The following ACER3 variants were observed in gnomAD, a reference collection of about 807,000 sequenced individuals.
ACER3 encodes alkaline ceramidase 3, also known as alkCDase 3.
ACER3 carries 16 observed loss-of-function variants against 48.9 expected under a neutral mutation model. That is an observed-to-expected ratio of 0.33 (90% CI 0.22 to 0.50). ACER3 has a LOEUF of 0.50. ACER3 is among the 20% of genes least tolerant of loss of function. The probability of loss-of-function intolerance (pLI) is 0.98; values close to 1 mark genes in which losing one functional copy is unlikely to be tolerated. For missense variants in ACER3, 227 were observed against 326.0 expected, an observed-to-expected ratio of 0.70 and a Z score of 2.34; for synonymous variants, 109 against 107.8, an observed-to-expected ratio of 1.01 and a Z score of -0.07.
chr11:77,014,934 G>C (rs1949339717), intron 7 of ACER3, 82 bp from the exon 8 acceptor site: 2 of 839,622 alleles, frequency 2.4e-6, no homozygotes, highest in African/African-American at 3.4e-5. Context: ...TTATAAAAAA[G>C]GAAGAAAGTG....
chr11:76,933,174 A>ATATATATATATG (rs1491216771), intron 2 of ACER3, among the ~76,000 whole-genome samples: 3 of 18,290 alleles, frequency 1.6e-4, no homozygotes, highest in African/African-American at 3.6e-4. Context: ...TACGTATTTC[A>ATATATATATATG]TATATATATA....
intron 1 of ACER3, among the ~76,000 whole-genome samples, chr11:76,900,393 C>G (rs912736520): frequency 6.6e-6 from 1 of 152,146 alleles, no homozygotes; most frequent in Non-Finnish European, 1.5e-5. Flanking sequence ...TTCTGTGTAA[C>G]TTTTTTGCTT....
rs1356263170 is a variant in ACER3, at chr11:77,021,762, C to T, written c.*1435C>T. The T allele has an allele frequency of 1.3e-5, 2 of 152,188 alleles. No homozygotes were observed. Among genetic ancestry groups the T allele is most frequent in the East Asian group, 1.9e-4 (1 of 5,180 alleles). 9.4% of individuals were successfully genotyped at this position (152,188 alleles called of 1,614,324 possible). On this transcript the variant is annotated 3_prime_UTR_variant, in exon 11 of 11. Coordinates refer to ENST00000532485, the MANE Select transcript of ACER3 (RefSeq NM_018367.7). ...TTTTTTCCAGTATTCAATAAGTAGCCTTTGTACAAATTTAAAACCAAAAAC... is the reference window on the plus strand; with the variant it reads ...TTTTTTCCAGTATTCAATAAGTAGCTTTTGTACAAATTTAAAACCAAAAAC...
intron 1 of ACER3, among the ~76,000 whole-genome samples, chr11:76,885,882 T>C (rs1045660333): frequency 1.3e-5 from 2 of 152,088 alleles, no homozygotes; most frequent in Non-Finnish European, 2.9e-5. Flanking sequence ...TGCCAAAGCG[T>C]AAAATACAGA....
chr11:76,907,199 A>G (rs1946257952), intron 1 of ACER3, among the ~76,000 whole-genome samples: 1 of 152,218 alleles, frequency 6.6e-6, no homozygotes, highest in Non-Finnish European at 1.5e-5. Context: ...CAAATTCAGG[A>G]AACAAGCATT....
At chr11:76,885,805 G>T (rs1389199053) in intron 1 of ACER3, among the ~76,000 whole-genome samples, 1 of 152,154 alleles carries the variant, frequency 6.6e-6, no homozygotes, top group Non-Finnish European at 1.5e-5. Context: ...CATATGGAAG[G>T]TGCACTCCTT....
rs560769120 is a variant in ACER3 at position 76,962,409 on chromosome 11, G to A, written c.267+3378G>A. 3.7e-4 allele frequency among the ~76,000 whole-genome samples: 56 copies of A among 151,078 alleles called. 1 individual carries two copies. The highest frequency in any genetic ancestry group is 2.3e-3 in the Admixed American group (35 of 15,256). On this transcript the variant is annotated intron_variant, in intron 3 of 10. Transcript: ENST00000532485. The stretch of plus-strand genomic sequence containing the variant: ...TAATTTTTGTATTTTTAGTAGAGAC[G>A]GGGTTTCACCACATTGGCCAGGCTG...
intron 7 of ACER3, among the ~76,000 whole-genome samples, chr11:77,006,287 C>T (rs571900060): frequency 3.4e-4 from 51 of 152,090 alleles, no homozygotes; most frequent in African/African-American, 1.1e-3. Flanking sequence ...CCGCGCCTGG[C>T]TGTCTTTAAT....
At chr11:76,974,079 A>T (rs1279738557) in intron 3 of ACER3, among the ~76,000 whole-genome samples, 1 of 152,240 alleles carries the variant, frequency 6.6e-6, no homozygotes, top group African/African-American at 2.4e-5. Context: ...ATTGACTTAT[A>T]TATCTATTCT....
At chr11:76,893,370 T>TA (rs573897739) in intron 1 of ACER3, among the ~76,000 whole-genome samples, 5 of 151,990 alleles carry the variant, frequency 3.3e-5, no homozygotes, top group Non-Finnish European at 7.4e-5. Context: ...ACCCCATCTC[T>TA]AAAAAAATAA....
chr11:76,892,324 TC>T lies in ACER3; in HGVS notation c.103+31247del, dbSNP rs201607758. On this transcript the variant is annotated intron_variant, in intron 1 of 10. Transcript: ENST00000532485. ...CTTTCATTATCTACCCTGTGTTTTT[TC>T]CACTTTCATTCTCTTTATTTTTAAA... Among the ~76,000 whole-genome samples, 1,367 of 152,324 alleles carry T rather than the reference TC, an allele frequency of 9.0e-3. 9 individuals carry two copies. Among genetic ancestry groups the T allele is most frequent in the Admixed American group, 0.013 (199 of 15,306 alleles).
chr11:76,944,119 A>G (rs1007050488), intron 2 of ACER3, among the ~76,000 whole-genome samples: 1 of 151,844 alleles, frequency 6.6e-6, no homozygotes, highest in South Asian at 2.1e-4. Flanking sequence ...CTGTCAATCT[A>G]TATATTTTAA....
intron 2 of ACER3, among the ~76,000 whole-genome samples, chr11:76,943,932 T>C (rs1947413200): frequency 6.6e-6 from 1 of 151,942 alleles, no homozygotes; most frequent in Non-Finnish European, 1.5e-5. Context: ...TTTTTACTGT[T>C]TTTGATTTAA....
chr11:76,912,227 A>G (rs959872037), intron 1 of ACER3, among the ~76,000 whole-genome samples: 55 of 152,248 alleles, frequency 3.6e-4, no homozygotes, highest in Non-Finnish European at 1.8e-4. Context: ...GTAGAAGGCA[A>G]AGTGAGGAAT....
chr11:76,930,395 G>C (rs55704636), intron 2 of ACER3, among the ~76,000 whole-genome samples: 3,240 of 152,046 alleles, frequency 0.021, 117 homozygotes, highest in African/African-American at 0.075. Context: ...TATTAATTTT[G>C]TTGATCTTTT....
At chr11:76,866,434 A>C (rs909113531) in intron 1 of ACER3, among the ~76,000 whole-genome samples, 3 of 152,216 alleles carry the variant, frequency 2.0e-5, no homozygotes, top group Non-Finnish European at 2.9e-5. Flanking sequence ...AGACAGTGAA[A>C]GAAGTGACCT....
chr11:76,868,781 T>G (rs1055334068), intron 1 of ACER3, among the ~76,000 whole-genome samples: 3 of 152,246 alleles, frequency 2.0e-5, no homozygotes, highest in Non-Finnish European at 2.9e-5. Context: ...TTGTTCATGC[T>G]TCAATCATGC....
chr11:76,996,426 ATTATTT>A (rs571609064), intron 6 of ACER3, among the ~76,000 whole-genome samples: 2,334 of 97,384 alleles, frequency 0.024, 69 homozygotes, highest in African/African-American at 0.074. Flanking sequence ...TATTATTATT[ATTATTT>A]TTTGAGACAG....
At chr11:76,986,802 C>A (rs781255176) in intron 5 of ACER3, among the ~76,000 whole-genome samples, 1 of 152,170 alleles carries the variant, frequency 6.6e-6, no homozygotes, top group Non-Finnish European at 1.5e-5. Context: ...CAGTGGCCCA[C>A]TCCTGTAATC....
Sources: allele counts gnomAD v4.1 joint callset (sites outside exome capture counted in the v4.1 genomes callset), GRCh38; gene constraint gnomAD v4.1.1; transcripts MANE v1.5; gene names NCBI Gene and HGNC (gene_info 2026-07-23, HGNC 2026-07-21).